DPYSL4: variants seen among roughly 807,000 people sequenced by gnomAD.
DPYSL4 encodes the protein dihydropyrimidinase like 4, also known as dihydropyrimidinase-related protein 4.
DPYSL4 carries 43 observed loss-of-function variants against 63.4 expected under a neutral mutation model. The ratio of observed to expected loss-of-function variants is 0.68; its 90% CI spans 0.53 to 0.88. The LOEUF is 0.88. Ranked by LOEUF, DPYSL4 falls within the 40% of genes least tolerant of loss-of-function variation. The pLI is 0.00. For missense variants in DPYSL4, 733 were observed against 819.5 expected, an observed-to-expected ratio of 0.89 and a Z score of 1.29; for synonymous variants, 353 against 331.7, an observed-to-expected ratio of 1.06 and a Z score of -0.70.
chr10:132,188,266 C>T (rs2061830804), intron 1 of DPYSL4, among the ~76,000 whole-genome samples: 1 of 152,190 alleles, frequency 6.6e-6, no homozygotes, highest in African/African-American at 2.4e-5. Context: ...GTAAGAAGAG[C>T]ACAGCCCCAC....
At chr10:132,189,011 T>C (rs2061838802) in intron 1 of DPYSL4, among the ~76,000 whole-genome samples, 1 of 152,244 alleles carries the variant, frequency 6.6e-6, no homozygotes, top group African/African-American at 2.4e-5. Context: ...AATCCTGTAA[T>C]GGAGTTCCTA....
intron 1 of DPYSL4, among the ~76,000 whole-genome samples, chr10:132,190,394 A>G (rs958720144): frequency 6.6e-6 from 1 of 152,262 alleles, no homozygotes; most frequent in Non-Finnish European, 1.5e-5. Context: ...ACAGGAGGCC[A>G]TGAGGCAGCG....
rs1164428256 is a variant in DPYSL4 at position 132,204,825 on chromosome 10, T to C, written c.1628-14T>C. ...TGCCTCATTCTCCCCTGCCCATCTG[T>C]GCCCTTTCTTCAGGGTCTCAGGCTG... is the stretch of plus-strand genomic sequence containing the variant. On this transcript the variant is annotated splice_polypyrimidine_tract_variant and intron_variant, in intron 13 of 13. Transcript: ENST00000338492. 1 of 1,601,288 alleles carries C rather than the reference T, an allele frequency of 6.2e-7. No individual in the cohort carries two copies. The highest frequency in any genetic ancestry group is 1.7e-5 in the Admixed American group (1 of 58,628).
At chr10:132,187,123 C>G in intron 1 of DPYSL4, 21 bp downstream of exon 1, 1 of 1,520,318 alleles carries the variant, frequency 6.6e-7, no homozygotes, top group Non-Finnish European at 8.9e-7. Flanking sequence ...TCCCGCTTCG[C>G]CCGGCGCCCC....
chr10:132,201,322 C>T (rs949612511), intron 10 of DPYSL4, among the ~76,000 whole-genome samples: 4 of 152,170 alleles, frequency 2.6e-5, no homozygotes, highest in Non-Finnish European at 4.4e-5. Flanking sequence ...CCGTCGCACA[C>T]CGCCCTGTCC....
At position 132,200,425 on chromosome 10, in the gene DPYSL4, A is replaced by C. The variant is rs1242204885; in HGVS notation, c.881A>C (p.Asn294Thr). Residue 294 changes from asparagine (N) to threonine (T), a missense_variant, in exon 9 of 14, where the codon AAC (asparagine) becomes ACC (threonine). Physicochemically the swap from Asn to Thr is moderately conservative, Grantham distance 65. Transcript: ENST00000338492. Reference protein sequence around the residue: ...GTDGSHYWSKNWAKAAAFVTS... With the variant: ...GTDGSHYWSKTWAKAAAFVTS... Reference sequence around the variant, plus strand: ...GACGGTTCACACTACTGGAGCAAGAACTGGGCCAAGGCCGCAGCCTTCGTC... The same window carrying C: ...GACGGTTCACACTACTGGAGCAAGACCTGGGCCAAGGCCGCAGCCTTCGTC... 4 of 1,613,578 alleles carry C rather than the reference A, an allele frequency of 2.5e-6. No homozygotes were observed. Among genetic ancestry groups the C allele is most frequent in the Non-Finnish European group, 3.4e-6 (4 of 1,179,932 alleles).
chr10:132,198,961 C>A lies in DPYSL4; in HGVS notation c.801C>A (p.Ala267=). Reference sequence around the variant, plus strand: ...GGGCGGCCGACGCCATCGCTCAGGCCAAGCGCAGAGGTGAGCACCCAGCCC... The same window carrying A: ...GGGCGGCCGACGCCATCGCTCAGGCAAAGCGCAGAGGTGAGCACCCAGCCC... The part of the protein sequence containing the change: ...SKGAADAIAQ[A]KRRGVVVFGE... The change falls in exon 8 of 14, where the codon GCC becomes GCA. Residue 267 remains alanine, a synonymous_variant. Transcript: ENST00000338492. 1 of 1,610,528 alleles carries A rather than the reference C, an allele frequency of 6.2e-7. No homozygotes were observed. The highest frequency in any genetic ancestry group is 8.5e-7 in the Non-Finnish European group (1 of 1,178,636).
chr10:132,192,439 C>G (rs148479542), intron 2 of DPYSL4: 301 of 1,203,884 alleles, frequency 2.5e-4, no homozygotes, highest in Non-Finnish European at 3.1e-4. Flanking sequence ...GTGGCGTCTG[C>G]GTGAGGCTGG....
rs117666003 is a variant in DPYSL4, at chr10:132,194,351, T to C, written c.314-494T>C. 2.1e-3 allele frequency among the ~76,000 whole-genome samples: 325 copies of C among 152,332 alleles called. 8 individuals are homozygous for C. In the East Asian group the frequency reaches 0.037, roughly 17 times the overall value. ...TGGTGGGGCAGCAGCATGATGGCTG[T>C]GTGCAGGGGGCAGGATGGCCCCTTT... On this transcript the variant is annotated intron_variant, in intron 3 of 13. Transcript: ENST00000338492.
chr10:132,204,274 G>A (rs1232510738), intron 13 of DPYSL4, among the ~76,000 whole-genome samples: 4 of 152,178 alleles, frequency 2.6e-5, no homozygotes, highest in East Asian at 1.9e-4. Context: ...TGGAATCCAG[G>A]TCCCCACCCA....
chr10:132,188,486 G>C (rs2061833523), intron 1 of DPYSL4, among the ~76,000 whole-genome samples: 1 of 152,234 alleles, frequency 6.6e-6, no homozygotes. Context: ...GGCAGCCAGG[G>C]CCTGATGCGG....
At chr10:132,195,447 C>CA (rs1164286239) in intron 4 of DPYSL4, among the ~76,000 whole-genome samples, 1 of 152,216 alleles carries the variant, frequency 6.6e-6, no homozygotes, top group Non-Finnish European at 1.5e-5. Context: ...GCTAAAACTA[C>CA]ATCAGAGTTT....
At chr10:132,196,787 G>A (rs2061950815) in intron 4 of DPYSL4, 74 bp from the exon 5 acceptor site, 1 of 1,546,476 alleles carries the variant, frequency 6.5e-7, no homozygotes, top group Non-Finnish European at 8.9e-7. Context: ...CCCTCCAGTG[G>A]GCAGGAGCAG....
chr10:132,201,436 C>T (rs2062016857), intron 10 of DPYSL4, among the ~76,000 whole-genome samples: 1 of 152,240 alleles, frequency 6.6e-6, no homozygotes, highest in Non-Finnish European at 1.5e-5. Flanking sequence ...GAGACTGTCA[C>T]GTCCTTCAGG....
At position 132,197,003 on chromosome 10, in the gene DPYSL4, C is replaced by A. The variant is rs2061954501; in HGVS notation, c.541-18C>A. On this transcript the variant is annotated intron_variant, in intron 5 of 13. Coordinates refer to ENST00000338492, the MANE Select transcript of DPYSL4 (RefSeq NM_006426.3). ...GCAGGCGCAGCCCCACCCAGGACGC[C>A]ACCACTTCTCTTCCCAGATGTACGA... 6.2e-7 allele frequency: 1 copy of A among 1,611,646 alleles called. No individual in the cohort carries two copies. Among genetic ancestry groups the A allele is most frequent in the Non-Finnish European group, 8.5e-7 (1 of 1,178,888 alleles).
At chr10:132,204,705 T>C in intron 13 of DPYSL4, 134 bp from the exon 14 acceptor site, 1 of 669,680 alleles carries the variant, frequency 1.5e-6, no homozygotes, top group Non-Finnish European at 2.4e-6. Flanking sequence ...CTTGGCCTTC[T>C]GGTGGTGGCA....
At chr10:132,194,249 C>T (rs868056471) in intron 3 of DPYSL4, among the ~76,000 whole-genome samples, 23 of 152,244 alleles carry the variant, frequency 1.5e-4, no homozygotes, top group African/African-American at 2.9e-4. Context: ...CCCTCCTGTC[C>T]GACCACCTGG....
chr10:132,187,044 CAGAG>C lies in DPYSL4; in HGVS notation c.-18_-15del. 1 of 1,368,280 alleles carries C rather than the reference CAGAG, an allele frequency of 7.3e-7. No homozygotes were observed. The highest frequency in any genetic ancestry group is 9.7e-7 in the Non-Finnish European group (1 of 1,033,054). The allele number at this position is 1,368,280 out of a possible 1,614,324, so 84.8% of individuals were successfully genotyped here. On this transcript the variant is annotated 5_prime_UTR_variant, in exon 1 of 14. Transcript: ENST00000338492. ...CCGCCCCCGCTTGTGCCGCCCCTAC[CAGAG>C]ACCCCCAGGAGCAGGATGTCCTTCC...
At chr10:132,200,303 C>T in intron 8 of DPYSL4, 53 bp from the exon 9 acceptor site, 2 of 1,603,592 alleles carry the variant, frequency 1.2e-6, no homozygotes, top group Non-Finnish European at 1.7e-6. Flanking sequence ...TTCTCGGGGC[C>T]CCAGGGGGTG....
Sources: gnomAD v4.1 joint callset for allele counts (sites outside exome capture counted in the v4.1 genomes callset) on GRCh38, gnomAD v4.1.1 for gene constraint, MANE v1.5 for transcripts, NCBI Gene and HGNC (gene_info 2026-07-23, HGNC 2026-07-21) for gene names.